PP2D1: variants seen among roughly 807,000 people sequenced by gnomAD.
PP2D1 encodes protein phosphatase 2C-like domain-containing protein 1.
PP2D1 carries 25 observed loss-of-function variants against 30.2 expected under a neutral mutation model. The observed-to-expected ratio is 0.83, with a 90% confidence interval of 0.60 to 1.16. The LOEUF (loss-of-function observed/expected upper bound fraction) is 1.16, where lower values mean the gene tolerates loss of function less well. Ranked by LOEUF, PP2D1 falls within the 50% of genes most tolerant of loss-of-function variation. The pLI is 0.00. For missense variants in PP2D1, 760 were observed against 742.4 expected, an observed-to-expected ratio of 1.02 and a Z score of -0.28; for synonymous variants, 260 against 258.9, an observed-to-expected ratio of 1.00 and a Z score of -0.04.
chr3:19,990,433 A>C (rs1319315329), intron 2 of PP2D1, among the ~76,000 whole-genome samples: 1 of 152,354 alleles, frequency 6.6e-6, no homozygotes, highest in East Asian at 1.9e-4. Flanking sequence ...TACAAGTGCC[A>C]GTCACTGCAC....
chr3:19,986,124 ATGTT>A lies in PP2D1; in HGVS notation c.1145_1148del (p.Glu382ValfsTer28). On this transcript the variant is annotated frameshift_variant, in exon 3 of 3. Coordinates refer to ENST00000389050, the MANE Select transcript of PP2D1 (RefSeq NM_001252657.2). LOFTEE classifies it low-confidence loss of function (END_TRUNC). ...TTCTTTCATTTGTGTTTCGTGTAGT[ATGTT>A]CTTTGGTTAGGCAAAAACCTTTCCC... 1 of 1,534,788 alleles carries A rather than the reference ATGTT, an allele frequency of 6.5e-7. No homozygotes were observed. The highest frequency in any genetic ancestry group is 8.7e-7 in the Non-Finnish European group (1 of 1,146,524).
intron 2 of PP2D1, among the ~76,000 whole-genome samples, chr3:19,990,655 T>C (rs62241320): frequency 0.15 from 23,224 of 152,058 alleles, 1,995 homozygotes; most frequent in Non-Finnish European, 0.2. Context: ...TGCTGTCAGC[T>C]ACAAACAGGG....
At chr3:19,981,240 G>A (rs1368425607), downstream of PP2D1, among the ~76,000 whole-genome samples, 1 of 152,144 alleles carries the variant, frequency 6.6e-6, no homozygotes, top group Non-Finnish European at 1.5e-5. Flanking sequence ...ACTCGATGGG[G>A]TGAAAGTGAT....
chr3:20,001,283 A>T lies in PP2D1; in HGVS notation c.837T>A (p.Tyr279Ter), dbSNP rs1185520041. 8 of 1,535,960 alleles carry T rather than the reference A, an allele frequency of 5.2e-6. No individual in the cohort carries two copies. The highest frequency in any genetic ancestry group is 5.2e-6 in the Non-Finnish European group (6 of 1,146,846). Residue 279 changes from tyrosine to a stop codon, truncating the protein, a stop_gained, in exon 2 of 3, where the codon TAT becomes TAA. Coordinates refer to ENST00000389050, the MANE Select transcript of PP2D1 (RefSeq NM_001252657.2). LOFTEE classifies it high-confidence loss of function. ...TTGCAAAGGCTTTGTGTGTGTCCTC[A>T]TACTCACACCTCACTGCTTCTGTTT... ...INKTEAVRCE[Y>*]EDTHKAFAKA...
intron 2 of PP2D1, among the ~76,000 whole-genome samples, chr3:19,992,882 G>C (rs1325015517): frequency 6.6e-6 from 1 of 152,162 alleles, no homozygotes; most frequent in Non-Finnish European, 1.5e-5. Context: ...TTTAAAAATT[G>C]TGATAGCCAG....
chr3:19,989,628 A>G (rs1559496645), intron 2 of PP2D1, among the ~76,000 whole-genome samples: 1 of 152,246 alleles, frequency 6.6e-6, no homozygotes, highest in Non-Finnish European at 1.5e-5. Flanking sequence ...TTACTGAATC[A>G]GCAAGACAAC....
intron 2 of PP2D1, among the ~76,000 whole-genome samples, chr3:19,998,470 A>G (rs182593986): frequency 1.3e-5 from 2 of 152,372 alleles, no homozygotes; most frequent in Admixed American, 1.3e-4. Context: ...TTCCCAACAC[A>G]AAGAAATAAT....
intron 1 of PP2D1, among the ~76,000 whole-genome samples, chr3:20,005,242 TCCTG>T (rs1697305018): frequency 1.3e-5 from 2 of 152,048 alleles, no homozygotes; most frequent in African/African-American, 4.8e-5. Context: ...AACCTCCACC[TCCTG>T]GGTTCAAGCG....
In PP2D1 at chr3:19,985,912, G is replaced by C; in HGVS notation, c.1361C>G (p.Thr454Ser). 6.5e-7 allele frequency: 1 copy of C among 1,536,428 alleles called. No individual in the cohort carries two copies. Among genetic ancestry groups the C allele is most frequent in the South Asian group, 1.2e-5 (1 of 84,064 alleles). ...DDLCQFLIVA[T>S]NGLWEVLDKE... ...ATCCAAAACTTCCCAAAGTCCATTA[G>C]TAGCTACAATAAGGAATTGACATAG... Residue 454 changes from threonine to serine, a missense_variant, in exon 3 of 3, where the codon ACT becomes AGT. Thr to Ser is a moderately conservative substitution (Grantham distance 58). Transcript: ENST00000389050.
At chr3:19,988,603 G>C (rs569604858) in intron 2 of PP2D1, among the ~76,000 whole-genome samples, 7 of 152,148 alleles carry the variant, frequency 4.6e-5, no homozygotes, top group Admixed American at 2.6e-4. Flanking sequence ...TGTGATCTCT[G>C]TGACCCACAC....
intron 2 of PP2D1, among the ~76,000 whole-genome samples, chr3:19,993,648 G>A (rs992736076): frequency 6.6e-6 from 1 of 152,142 alleles, no homozygotes. Flanking sequence ...CAGGAGAATC[G>A]CTTGGACCCT....
downstream of PP2D1, among the ~76,000 whole-genome samples, chr3:19,981,316 A>G (rs766984771): frequency 6.6e-6 from 1 of 152,230 alleles, no homozygotes; most frequent in Non-Finnish European, 1.5e-5. Context: ...AATTAAAAAT[A>G]TCATAAATCA....
chr3:19,996,713 C>T (rs1697183751), intron 2 of PP2D1: 1 of 144,974 alleles, frequency 6.9e-6, no homozygotes. Flanking sequence ...AATCAAACAA[C>T]ATATTTTTTT....
In PP2D1 at chr3:20,007,651, C is replaced by G. The variant is rs551426592; in HGVS notation, c.23+4399G>C. Among the ~76,000 whole-genome samples, 27 of 151,892 alleles carry G rather than the reference C, an allele frequency of 1.8e-4. 1 individual carries two copies. The South Asian group carries it at 5.6e-3, about 32-fold the overall frequency. ...AGCGTGGTGGCGTATGCCTGTAATT[C>G]CAGCTACTTGGGAGGCTGAGGCAGG... is the stretch of plus-strand genomic sequence containing the variant. On this transcript the variant is annotated intron_variant, in intron 1 of 2. Coordinates refer to ENST00000389050, the MANE Select transcript of PP2D1 (RefSeq NM_001252657.2).
intron 2 of PP2D1, among the ~76,000 whole-genome samples, chr3:19,998,575 TA>T (rs2125142906): frequency 6.6e-6 from 1 of 152,300 alleles, no homozygotes; most frequent in Admixed American, 6.5e-5. Flanking sequence ...CATGAATATT[TA>T]TAATTATTAT....
Position 19,985,475 on chromosome 3 carries a change from C to G in PP2D1, c.1798G>C (p.Glu600Gln). The G allele has an allele frequency of 6.5e-7, 1 of 1,536,038 alleles. No individual in the cohort carries two copies. The highest frequency in any genetic ancestry group is 8.7e-7 in the Non-Finnish European group (1 of 1,146,844). ...YEGAAEYVSH[E>Q]LVNAALLAGS... ...GCCAGTAAAGCAGCATTTACAAGTTCATGGCTAACATACTCAGCTGCGCCT... is the reference window on the plus strand; with the variant it reads ...GCCAGTAAAGCAGCATTTACAAGTTGATGGCTAACATACTCAGCTGCGCCT... The change falls in exon 3 of 3, where the codon GAA becomes CAA. Residue 600 changes from glutamate to glutamine, a missense_variant. Transcript: ENST00000389050.
At chr3:19,987,120 TTTGG>T (rs34150278) in intron 2 of PP2D1, among the ~76,000 whole-genome samples, 25,720 of 151,920 alleles carry the variant, frequency 0.17, 2,102 homozygotes, top group South Asian at 0.21. Context: ...CATTAAACCC[TTTGG>T]TTGGAAACTG....
In PP2D1 at chr3:19,986,021, G is replaced by A. The variant is rs778159590; in HGVS notation, c.1252C>T (p.Arg418Ter). ...AGATTTCCATGAAATCCAAGTCCTC[G>A]TGTAGTTTTTACTTGCCCCTCTACA... ...GLVEGQVKTTRGLGFHGNLKL... is the reference protein window; with the variant it reads ...GLVEGQVKTT Residue 418 changes from arginine to a stop codon, truncating the protein, a stop_gained, in exon 3 of 3, where the codon CGA (arginine) becomes TGA (stop). Coordinates refer to ENST00000389050, the MANE Select transcript of PP2D1 (RefSeq NM_001252657.2). LOFTEE classifies it low-confidence loss of function (END_TRUNC). 396 of 1,535,924 alleles carry A rather than the reference G, an allele frequency of 2.6e-4. No individual in the cohort carries two copies. Among genetic ancestry groups the A allele is most frequent in the Non-Finnish European group, 3.3e-4 (382 of 1,146,876 alleles).
intron 2 of PP2D1, among the ~76,000 whole-genome samples, chr3:19,994,997 A>C (rs1023121865): frequency 6.6e-6 from 1 of 152,220 alleles, no homozygotes; most frequent in Non-Finnish European, 1.5e-5. Flanking sequence ...TAATTCGTGA[A>C]TCATTAGGTA....
Sources: allele counts gnomAD v4.1 joint callset (sites outside exome capture counted in the v4.1 genomes callset), GRCh38; gene constraint gnomAD v4.1.1; transcripts MANE v1.5; gene names NCBI Gene and HGNC (gene_info 2026-07-23, HGNC 2026-07-21).